AQP12B: variants seen among roughly 807,000 people sequenced by gnomAD.
AQP12B encodes the protein putative aquaporin-12B.
A neutral mutation model predicts 11.5 loss-of-function variants in AQP12B; 8 were observed. That is an observed-to-expected ratio of 0.70 (90% confidence interval 0.41 to 1.26). The LOEUF (loss-of-function observed/expected upper bound fraction) is 1.26. Among genes scored for constraint, AQP12B ranks in the 50% most tolerant of loss-of-function variants. AQP12B has a pLI of 0.01. For synonymous variants in AQP12B, 123 were observed against 158.0 expected (o/e 0.78, Z 1.66); for missense variants, 247 against 322.0 (o/e 0.77, Z 1.78).
Position 240,682,574 on chromosome 2 carries a change from G to A in AQP12B, c.264C>T (p.Asp88=), listed in dbSNP as rs369078305. The A allele has an allele frequency of 5.0e-5, 80 of 1,613,350 alleles. No homozygotes were observed. Among genetic ancestry groups the A allele is most frequent in the South Asian group, 3.8e-4 (35 of 91,054 alleles). The change falls in exon 1 of 3, where the codon GAC becomes GAT. Residue 88 remains aspartate (D), a synonymous_variant. Transcript: ENST00000407834. ...ACACGGTGGGGTTGGCCGAGGCCCCGTCCAAGGTGACCCCGTGCGCCAGGA... is the reference window on the plus strand; with the variant it reads ...ACACGGTGGGGTTGGCCGAGGCCCCATCCAAGGTGACCCCGTGCGCCAGGA... The part of the protein sequence containing the change: ...LLFLAHGVTL[D]GASANPTVSL...
chr2:240,682,551 A>G lies in AQP12B; in HGVS notation c.287T>C (p.Val96Ala). Residue 96 changes from valine (V) to alanine (A), a missense_variant, in exon 1 of 3, where the codon GTG (valine) becomes GCG (alanine). Transcript: ENST00000407834. The part of the protein sequence containing the change: ...TLDGASANPT[V>A]SLQEFLMAEE... Reference sequence around the variant, plus strand: ...GGCCATGAGGAACTCCTGCAGGGACACGGTGGGGTTGGCCGAGGCCCCGTC... The same window carrying G: ...GGCCATGAGGAACTCCTGCAGGGACGCGGTGGGGTTGGCCGAGGCCCCGTC... 6.2e-7 allele frequency: 1 copy of G among 1,613,306 alleles called. No individual in the cohort carries two copies. The highest frequency in any genetic ancestry group is 8.5e-7 in the Non-Finnish European group (1 of 1,179,820).
rs756207344 is a variant in AQP12B at position 240,682,671 on chromosome 2, G to A, written c.167C>T (p.Thr56Met). The change falls in exon 1 of 3, where the codon ACG becomes ATG. Residue 56 changes from threonine to methionine, a missense_variant. This residue lies in a region of AQP12B where 206 missense variants were observed against 173.2 expected (regional missense o/e 1.19). Coordinates refer to ENST00000407834, the MANE Select transcript of AQP12B (RefSeq NM_001102467.2). The part of the protein sequence containing the change: ...QLGACFLEMR[T>M]LVELGPWAGD... Reference sequence around the variant, plus strand: ...AGCCCAGGGCCCGAGCTCGACCAGCGTCCTCATCTCCAGGAAGCAGGCCCC... The same window carrying A: ...AGCCCAGGGCCCGAGCTCGACCAGCATCCTCATCTCCAGGAAGCAGGCCCC... 2.3e-5 allele frequency: 37 copies of A among 1,613,396 alleles called. No homozygotes were observed. Among genetic ancestry groups the A allele is most frequent in the Middle Eastern group, 1.7e-4 (1 of 5,898 alleles).
rs532942068 is a variant in AQP12B, at chr2:240,682,551, A to T, written c.287T>A (p.Val96Glu). ...GGCCATGAGGAACTCCTGCAGGGAC[A>T]CGGTGGGGTTGGCCGAGGCCCCGTC... Reference protein sequence around the residue: ...TLDGASANPTVSLQEFLMAEE... With the variant: ...TLDGASANPTESLQEFLMAEE... The change falls in exon 1 of 3, where the codon GTG becomes GAG. Residue 96 changes from valine to glutamate, a missense_variant. By Grantham distance (121) the Val-to-Glu change is moderately radical. This residue lies in a region of AQP12B where 206 missense variants were observed against 173.2 expected (regional missense o/e 1.19). Transcript: ENST00000407834. The T allele has an allele frequency of 6.2e-7, 1 of 1,613,306 alleles. No homozygotes were observed. Among genetic ancestry groups the T allele is most frequent in the Admixed American group, 1.7e-5 (1 of 60,012 alleles).
At chr2:240,682,919 G>T, upstream of AQP12B, 1 of 1,549,314 alleles carries the variant, frequency 6.5e-7, no homozygotes, top group South Asian at 1.2e-5. Flanking sequence ...ACAACCCAGA[G>T]GGCCCAGGCG....
rs750252764 is a variant in AQP12B at position 240,682,379 on chromosome 2, C to T, written c.459G>A (p.Ser153=). 37 of 1,540,018 alleles carry T rather than the reference C, an allele frequency of 2.4e-5. No homozygotes were observed. Among genetic ancestry groups the T allele is most frequent in the South Asian group, 8.4e-5 (7 of 83,672 alleles). The change falls in exon 1 of 3, where the codon TCG becomes TCA. Residue 153 remains serine (S), a synonymous_variant. Transcript: ENST00000407834. ...CGTGGGGCACGGATGTGCGCAGGGCCGAGCTGCAGCTCTGGGCCATGAGGC... is the reference window on the plus strand; with the variant it reads ...CGTGGGGCACGGATGTGCGCAGGGCTGAGCTGCAGCTCTGGGCCATGAGGC... The part of the protein sequence containing the change: ...LQSLMAQSCS[S]ALRTSVPHGA...
At position 240,682,870 on chromosome 2, in the gene AQP12B, G is replaced by A. The variant is rs754477900; in HGVS notation, c.-33C>T. 2.6e-6 allele frequency: 4 copies of A among 1,564,414 alleles called. 1 individual carries two copies. Among genetic ancestry groups the A allele is most frequent in the Non-Finnish European group, 1.7e-6 (2 of 1,152,936 alleles). On this transcript the variant is annotated 5_prime_UTR_variant, in exon 1 of 3. Transcript: ENST00000407834. Reference sequence around the variant, plus strand: ...GGCCCCCCGAGATGCTGTGCCTGCAGGACACCTGAGGGGACAGAGCAGGAG... The same window carrying A: ...GGCCCCCCGAGATGCTGTGCCTGCAAGACACCTGAGGGGACAGAGCAGGAG...
At chr2:240,682,095 C>T (rs1351586720) in intron 1 of AQP12B, 136 bp downstream of exon 1, 3 of 543,104 alleles carry the variant, frequency 5.5e-6, no homozygotes, top group Non-Finnish European at 9.5e-6. Context: ...CAGGAAATCA[C>T]CGCCTCTTCT....
rs187476959 is a variant in AQP12B, at chr2:240,682,451, C to A, written c.387G>T (p.Thr129=). The change falls in exon 1 of 3, where the codon ACG becomes ACT. Residue 129 remains threonine (T), a synonymous_variant. Coordinates refer to ENST00000407834, the MANE Select transcript of AQP12B (RefSeq NM_001102467.2). ...GLGMQAACTL[T]RLCWAWELSD... ...TGAGCTCCCAGGCCCAGCAGAGGCG[C>A]GTCAGGGTGCAGGCGGCCTGCATGC... 4.4e-5 allele frequency: 71 copies of A among 1,609,022 alleles called. 1 individual carries two copies. Among genetic ancestry groups the A allele is most frequent in the Middle Eastern group, 4.1e-4 (2 of 4,852 alleles).
At position 240,682,846 on chromosome 2, in the gene AQP12B, G is replaced by T. The variant is rs375213961; in HGVS notation, c.-9C>A. 17 of 1,570,992 alleles carry T rather than the reference G, an allele frequency of 1.1e-5. 1 individual carries two copies. Among genetic ancestry groups the T allele is most frequent in the Non-Finnish European group, 1.5e-5 (17 of 1,157,278 alleles). On this transcript the variant is annotated 5_prime_UTR_variant, in exon 1 of 3. Coordinates refer to ENST00000407834, the MANE Select transcript of AQP12B (RefSeq NM_001102467.2). ...ACGTTAAGACCTGCCATCGGCCTGG[G>T]CCCCCCGAGATGCTGTGCCTGCAGG... is the stretch of plus-strand genomic sequence containing the variant.
rs1575491541 is a variant in AQP12B, at chr2:240,682,547, G to C, written c.291C>G (p.Ser97=). The C allele has an allele frequency of 1.2e-6, 2 of 1,613,270 alleles. No homozygotes were observed. Among genetic ancestry groups the C allele is most frequent in the Non-Finnish European group, 1.7e-6 (2 of 1,179,808 alleles). ...LDGASANPTV[S]LQEFLMAEES... ...CCTCGGCCATGAGGAACTCCTGCAG[G>C]GACACGGTGGGGTTGGCCGAGGCCC... The change falls in exon 1 of 3, where the codon TCC becomes TCG. Residue 97 remains serine, a synonymous_variant. Transcript: ENST00000407834.
chr2:240,683,032 C>T (rs1575492886), upstream of AQP12B: 12 of 729,188 alleles, frequency 1.6e-5, no homozygotes, highest in East Asian at 3.0e-4. Flanking sequence ...GCCACAGGGG[C>T]CCTGCCCCAC....
chr2:240,676,453 GA>G lies in AQP12B; in HGVS notation c.*91del. The G allele has an allele frequency of 2.1e-6, 1 of 481,818 alleles. No individual in the cohort carries two copies. Among genetic ancestry groups the G allele is most frequent in the Non-Finnish European group, 3.8e-6 (1 of 266,140 alleles). The allele number at this position is 481,818 out of a possible 1,614,324, so 29.8% of individuals were successfully genotyped here. A position where few individuals can be genotyped will look rare whatever the true frequency, so the allele number is the denominator to read the frequency against. On this transcript the variant is annotated 3_prime_UTR_variant, in exon 3 of 3. Transcript: ENST00000407834. Reference sequence around the variant, plus strand: ...GGTTTATTGACAAATGGCTTCTGGGGAGGGGGCCAGGATTCCCTCTTAGCTA... The same window carrying G: ...GGTTTATTGACAAATGGCTTCTGGGGGGGGGCCAGGATTCCCTCTTAGCTA...
rs370887151 is a variant in AQP12B, at chr2:240,681,016, C to T, written c.608-548G>A. On this transcript the variant is annotated intron_variant, in intron 1 of 2. Coordinates refer to ENST00000407834, the MANE Select transcript of AQP12B (RefSeq NM_001102467.2). Reference sequence around the variant, plus strand: ...GAGGAGAGAAGACGACATGGCTGTGCGATGTGAGACAAGGGAAGGCGGCGG... The same window carrying T: ...GAGGAGAGAAGACGACATGGCTGTGTGATGTGAGACAAGGGAAGGCGGCGG... Among the ~76,000 whole-genome samples the T allele has an allele frequency of 9.3e-3, 709 of 76,456 alleles. 159 individuals carry two copies. Among genetic ancestry groups the T allele is most frequent in the African/African-American group, 0.038 (522 of 13,766 alleles). The allele number at this position is 76,456 out of a possible 152,430, so 50.2% of individuals were successfully genotyped here.
upstream of AQP12B, chr2:240,682,970 G>A: frequency 8.5e-7 from 1 of 1,172,732 alleles, no homozygotes; most frequent in Non-Finnish European, 1.2e-6. Flanking sequence ...CACCACAGCT[G>A]CAGCCCCAGC....
chr2:240,680,950 G>A (rs1194070370), intron 1 of AQP12B, among the ~76,000 whole-genome samples: 1 of 94,570 alleles, frequency 1.1e-5, no homozygotes, highest in Non-Finnish European at 1.9e-5. Context: ...AGAGAGAGAG[G>A]AGAGACAGAG....
upstream of AQP12B, chr2:240,682,987 C>G: frequency 1.9e-6 from 2 of 1,030,426 alleles, no homozygotes; most frequent in South Asian, 3.2e-5. Context: ...CAGCTCCCGC[C>G]CCACTGGCTG....
At position 240,682,437 on chromosome 2, in the gene AQP12B, G is replaced by A. The variant is rs1473056168; in HGVS notation, c.401C>T (p.Ala134Val). 2 of 1,606,136 alleles carry A rather than the reference G, an allele frequency of 1.2e-6. No homozygotes were observed. Among genetic ancestry groups the A allele is most frequent in the African/African-American group, 2.7e-5 (2 of 74,758 alleles). ...CAGGTGCAGGTCACTGAGCTCCCAG[G>A]CCCAGCAGAGGCGCGTCAGGGTGCA... ...AACTLTRLCW[A>V]WELSDLHLLQ... Residue 134 changes from alanine (A) to valine (V), a missense_variant, in exon 1 of 3, where the codon GCC becomes GTC. Ala to Val is a moderately conservative substitution (Grantham distance 64). Transcript: ENST00000407834.
In AQP12B at chr2:240,682,290, C is replaced by A; in HGVS notation, c.548G>T (p.Ser183Ile). The change falls in exon 1 of 3, where the codon AGT becomes ATT. Residue 183 changes from serine to isoleucine, a missense_variant. By Grantham distance (142) the Ser-to-Ile change is moderately radical. Coordinates refer to ENST00000407834, the MANE Select transcript of AQP12B (RefSeq NM_001102467.2). The stretch of plus-strand genomic sequence containing the variant: ...AGCGGGCCCGCTGTAGGCGGGAGGA[C>A]TGTGCCGCAGGTGCAGGAGGGTCAG... ...FHLTLLHLRH[S>I]PPAYSGPAVA... 6.7e-7 allele frequency: 1 copy of A among 1,487,484 alleles called. No individual in the cohort carries two copies. Among genetic ancestry groups the A allele is most frequent in the Non-Finnish European group, 9.2e-7 (1 of 1,092,782 alleles). The allele number at this position is 1,487,484 out of a possible 1,614,324, so 92.1% of individuals were successfully genotyped here.
chr2:240,682,372 G>T lies in AQP12B; in HGVS notation c.466C>A (p.Arg156Ser), dbSNP rs765521184. ...AGCGCCCCGTGGGGCACGGATGTGC[G>T]CAGGGCCGAGCTGCAGCTCTGGGCC... ...LMAQSCSSAL[R>S]TSVPHGALVE... is the part of the protein sequence containing the mutation. Residue 156 changes from arginine (R) to serine (S), a missense_variant, in exon 1 of 3, where the codon CGC becomes AGC. Arg to Ser is a moderately radical substitution (Grantham distance 110). Around this residue, in one of 4 missense-constraint regions of AQP12B, gnomAD observed 26 missense variants for 48.3 expected, o/e 0.54. Coordinates refer to ENST00000407834, the MANE Select transcript of AQP12B (RefSeq NM_001102467.2). 5.2e-6 allele frequency: 8 copies of T among 1,532,474 alleles called. No individual in the cohort carries two copies. Among genetic ancestry groups the T allele is most frequent in the Non-Finnish European group, 6.1e-6 (7 of 1,140,362 alleles). The allele number at this position is 1,532,474 out of a possible 1,614,324, so 94.9% of individuals were successfully genotyped here. A position where few individuals can be genotyped will look rare whatever the true frequency, so the allele number is the denominator to read the frequency against.
Sources: gnomAD v4.1 joint callset for allele counts (sites outside exome capture counted in the v4.1 genomes callset) on GRCh38, gnomAD v4.1.1 for gene constraint, gnomAD v4.1.1 regional missense constraint, MANE v1.5 for transcripts, NCBI Gene and HGNC (gene_info 2026-07-23, HGNC 2026-07-21) for gene names.